The following PIGV variants were observed in gnomAD, a reference collection of about 807,000 sequenced individuals.
PIGV encodes GPI alpha-1,6-mannosyltransferase 2.
A neutral mutation model predicts 39.2 loss-of-function variants in PIGV; 27 were observed. The ratio of observed to expected loss-of-function variants is 0.69; its 90% CI spans 0.51 to 0.95. The LOEUF is 0.95. Among genes scored for constraint, PIGV ranks in the 40% least tolerant of loss-of-function variants. The pLI is 0.00. For synonymous variants in PIGV, 232 were observed against 241.7 expected (o/e 0.96, Z 0.37); for missense variants, 523 against 586.4 (o/e 0.89, Z 1.12).
In PIGV at chr1:26,794,842, C is replaced by T. The variant is rs374158705; in HGVS notation, c.808C>T (p.Arg270Cys). The T allele has an allele frequency of 6.9e-5, 111 of 1,613,992 alleles. No individual in the cohort carries two copies. In the Middle Eastern group the frequency reaches 2.5e-3, roughly 36 times the overall value. ...YTQFCLPGSA[R>C]PIPEPLVQLA... ...CCAATTCTGTCTGCCAGGCTCAGCC[C>T]GCCCCATTCCTGAGCCTTTGGTACA... is the stretch of plus-strand genomic sequence containing the variant. Residue 270 changes from arginine (R) to cysteine (C), a missense_variant, in exon 3 of 4, where the codon CGC becomes TGC. Arg to Cys is a radical substitution (Grantham distance 180). Coordinates refer to ENST00000674202, the MANE Select transcript of PIGV (RefSeq NM_017837.4).
chr1:26,791,979 AG>A (rs1283594177), intron 2 of PIGV, among the ~76,000 whole-genome samples: 2 of 152,236 alleles, frequency 1.3e-5, no homozygotes, highest in Non-Finnish European at 2.9e-5. Flanking sequence ...GAACCAGGAC[AG>A]CTGGGCTCTA....
chr1:26,792,211 G>A (rs1003309437), intron 2 of PIGV, among the ~76,000 whole-genome samples: 5 of 151,932 alleles, frequency 3.3e-5, no homozygotes, highest in African/African-American at 1.2e-4. Flanking sequence ...GGAGTGCAAA[G>A]GCGCGATCTT....
Position 26,799,378 on chromosome 1 carries a change from T to A in PIGV, c.*1534T>A, listed in dbSNP as rs541999541. Among the ~76,000 whole-genome samples the A allele has an allele frequency of 6.6e-6, 1 of 152,334 alleles. No individual in the cohort carries two copies. The highest frequency in any genetic ancestry group is 2.4e-5 in the African/African-American group (1 of 41,572). The stretch of plus-strand genomic sequence containing the variant: ...GCCTATCACTATAATGGTAGTAAGA[T>A]CACTGGCCCCTGCTGAGCTACTTTT... On this transcript the variant is annotated 3_prime_UTR_variant, in exon 4 of 4. Transcript: ENST00000674202.
At chr1:26,793,338 C>G (rs1002227497) in intron 2 of PIGV, among the ~76,000 whole-genome samples, 1 of 152,206 alleles carries the variant, frequency 6.6e-6, no homozygotes, top group African/African-American at 2.4e-5. Flanking sequence ...AGACTTCTCT[C>G]TCTTCCACTC....
chr1:26,787,387 T>G (rs1482757188), upstream of PIGV: 2 of 152,218 alleles, frequency 1.3e-5, no homozygotes, highest in Non-Finnish European at 2.9e-5. Context: ...ATTAGCCACC[T>G]GAGGTGGGGC....
At chr1:26,789,094 G>A (rs751977611) in intron 1 of PIGV, 3 of 152,188 alleles carry the variant, frequency 2.0e-5, no homozygotes, top group Non-Finnish European at 4.4e-5. Context: ...CCAAGGAAGA[G>A]GAAAAAAGAG....
In PIGV at chr1:26,794,977, G is replaced by A. The variant is rs2081362503; in HGVS notation, c.943G>A (p.Gly315Ser). The change falls in exon 3 of 4, where the codon GGC becomes AGC. Residue 315 changes from glycine to serine, a missense_variant. Transcript: ENST00000674202. ...TATCCAGGATGTCTACTGGAATGTT[G>A]GCTTTTTGAAATACTATGAGCTCAA... ...SYIQDVYWNV[G>S]FLKYYELKQV... 6.2e-7 allele frequency: 1 copy of A among 1,614,148 alleles called. No homozygotes were observed. Among genetic ancestry groups the A allele is most frequent in the Non-Finnish European group, 8.5e-7 (1 of 1,180,014 alleles).
chr1:26,788,374 C>T (rs1208530858), intron 1 of PIGV, 106 bp downstream of exon 1: 1 of 152,322 alleles, frequency 6.6e-6, no homozygotes, highest in Non-Finnish European at 1.5e-5. Context: ...CCCACGAGGC[C>T]TTTGGCTCTG....
In PIGV at chr1:26,799,095, T is replaced by C. The variant is rs1474223692; in HGVS notation, c.*1251T>C. The stretch of plus-strand genomic sequence containing the variant: ...GAGAAAATATCCAGTTCTCCTGTTT[T>C]CAGCAATTAGAAGAAACTCCTCCTC... On this transcript the variant is annotated 3_prime_UTR_variant, in exon 4 of 4. Transcript: ENST00000674202. Among the ~76,000 whole-genome samples, 2 of 152,230 alleles carry C rather than the reference T, an allele frequency of 1.3e-5. No homozygotes were observed. Among genetic ancestry groups the C allele is most frequent in the Admixed American group, 6.5e-5 (1 of 15,288 alleles).
In PIGV at chr1:26,797,934, G is replaced by T; in HGVS notation, c.*90G>T. ...ATTGGAACTGCCTCTGCTGCCCTGG[G>T]ATCATTACTGTGTCCATTATAATCT... On this transcript the variant is annotated 3_prime_UTR_variant, in exon 4 of 4. Coordinates refer to ENST00000674202, the MANE Select transcript of PIGV (RefSeq NM_017837.4). 8.6e-6 allele frequency: 9 copies of T among 1,051,266 alleles called. No individual in the cohort carries two copies. Among genetic ancestry groups the T allele is most frequent in the Non-Finnish European group, 1.3e-5 (9 of 673,016 alleles). 65.1% of individuals were successfully genotyped at this position (1,051,266 alleles called of 1,614,324 possible). A position where few individuals can be genotyped will look rare whatever the true frequency, so the allele number is the denominator to read the frequency against.
At position 26,790,712 on chromosome 1, in the gene PIGV, A is replaced by G; in HGVS notation, c.-57-47A>G. 2 of 890,850 alleles carry G rather than the reference A, an allele frequency of 2.2e-6. 1 individual carries two copies. The highest frequency in any genetic ancestry group is 2.7e-5 in the South Asian group (2 of 73,250). 55.2% of individuals were successfully genotyped at this position (890,850 alleles called of 1,614,324 possible). A position where few individuals can be genotyped will look rare whatever the true frequency, so the allele number is the denominator to read the frequency against. The stretch of plus-strand genomic sequence containing the variant: ...GGTTCCAGTGACGAATGCTTTCAAG[A>G]ATTTGCTTTCACTCGATGTGTGACA... On this transcript the variant is annotated intron_variant, in intron 1 of 3. Coordinates refer to ENST00000674202, the MANE Select transcript of PIGV (RefSeq NM_017837.4).
At position 26,797,939 on chromosome 1, in the gene PIGV, TTA is replaced by T; in HGVS notation, c.*96_*97del. ...AACTGCCTCTGCTGCCCTGGGATCA[TTA>T]CTGTGTCCATTATAATCTTTCTCTT... On this transcript the variant is annotated 3_prime_UTR_variant, in exon 4 of 4. Transcript: ENST00000674202. 1 of 1,030,846 alleles carries T rather than the reference TTA, an allele frequency of 9.7e-7. No homozygotes were observed. The allele number at this position is 1,030,846 out of a possible 1,614,324, so 63.9% of individuals were successfully genotyped here.
chr1:26,797,831 T>G lies in PIGV; in HGVS notation c.1469T>G (p.Leu490Arg). The G allele has an allele frequency of 6.2e-7, 1 of 1,614,238 alleles. No homozygotes were observed. Among genetic ancestry groups the G allele is most frequent in the Non-Finnish European group, 8.5e-7 (1 of 1,180,040 alleles). Residue 490 changes from leucine to arginine, a missense_variant, in exon 4 of 4, where the codon CTG becomes CGG. Leu to Arg is a moderately radical substitution (Grantham distance 102). Transcript: ENST00000674202. ...GGACTACTCCTACATTGCAACTTCC[T>G]GCCTTGGACATGACCTGGACTCTCC... ...LLGLLLHCNFLPWT is the reference protein window; with the variant it reads ...LLGLLLHCNFRPWT
chr1:26,795,189 C>T lies in PIGV; in HGVS notation c.1155C>T (p.His385=), dbSNP rs200817594. The T allele has an allele frequency of 1.7e-5, 28 of 1,613,820 alleles. 1 individual carries two copies. The highest frequency in any genetic ancestry group is 1.3e-4 in the African/African-American group (10 of 74,900). ...LSPQVFVYVV[H]AAVLLLFGGL... Reference sequence around the variant, plus strand: ...CTCAGGTGTTTGTGTACGTGGTCCACGCTGCAGTGCTGCTGCTGTTTGGAG... The same window carrying T: ...CTCAGGTGTTTGTGTACGTGGTCCATGCTGCAGTGCTGCTGCTGTTTGGAG... Residue 385 remains histidine, a synonymous_variant, in exon 3 of 4, where the codon CAC becomes CAT. Transcript: ENST00000674202.
In PIGV at chr1:26,794,971, A is replaced by G; in HGVS notation, c.937A>G (p.Asn313Asp). The change falls in exon 3 of 4, where the codon AAT (asparagine) becomes GAT (aspartate). Residue 313 changes from asparagine to aspartate, a missense_variant. Physicochemically the swap from Asn to Asp is conservative, Grantham distance 23. Transcript: ENST00000674202. ...CAGCTATATCCAGGATGTCTACTGG[A>G]ATGTTGGCTTTTTGAAATACTATGA... ...IYSYIQDVYWNVGFLKYYELK... is the reference protein window; with the variant it reads ...IYSYIQDVYWDVGFLKYYELK... 6.2e-7 allele frequency: 1 copy of G among 1,614,094 alleles called. No homozygotes were observed. The highest frequency in any genetic ancestry group is 8.5e-7 in the Non-Finnish European group (1 of 1,180,026).
In PIGV at chr1:26,788,085, A is replaced by T. The variant is rs2081260061; in HGVS notation, c.-241A>T. The T allele has an allele frequency of 2.6e-5, 4 of 152,394 alleles. No individual in the cohort carries two copies. The South Asian group carries it at 8.3e-4, about 32-fold the overall frequency. 9.4% of individuals were successfully genotyped at this position (152,394 alleles called of 1,614,324 possible). A position where few individuals can be genotyped will look rare whatever the true frequency, so the allele number is the denominator to read the frequency against. ...GTTCTGGCGGGAGGGAAGCTGTCAA[A>T]TGGAAGCCGGTAGAAATGAGACAGA... On this transcript the variant is annotated 5_prime_UTR_variant, in exon 1 of 4. It removes an upstream start codon present in the reference 5' UTR. Transcript: ENST00000674202.
rs2081354745 is a variant in PIGV, at chr1:26,794,564, C to T, written c.530C>T (p.Thr177Ile). ...TCAGAAGCTTTGTTTGCCCTCCTGA[C>T]ATTCAGTGCCATGGGGCAGCTGGAG... Reference protein sequence around the residue: ...GYSEALFALLTFSAMGQLERG... With the variant: ...GYSEALFALLIFSAMGQLERG... Residue 177 changes from threonine to isoleucine, a missense_variant, in exon 3 of 4, where the codon ACA becomes ATA. Coordinates refer to ENST00000674202, the MANE Select transcript of PIGV (RefSeq NM_017837.4). 1 of 1,614,128 alleles carries T rather than the reference C, an allele frequency of 6.2e-7. No homozygotes were observed. The highest frequency in any genetic ancestry group is 1.7e-5 in the Admixed American group (1 of 60,006).
In PIGV at chr1:26,797,889, G is replaced by T; in HGVS notation, c.*45G>T. On this transcript the variant is annotated 3_prime_UTR_variant, in exon 4 of 4. Transcript: ENST00000674202. The stretch of plus-strand genomic sequence containing the variant: ...GGTTGGAAGCCAACTTAACCCAGGG[G>T]TCTGAAAGTAAAAATACACATTGGA... 2 of 1,575,984 alleles carry T rather than the reference G, an allele frequency of 1.3e-6. No individual in the cohort carries two copies. Among genetic ancestry groups the T allele is most frequent in the South Asian group, 2.2e-5 (2 of 90,210 alleles).
chr1:26,792,065 C>T (rs1286111991), intron 2 of PIGV, among the ~76,000 whole-genome samples: 1 of 152,172 alleles, frequency 6.6e-6, no homozygotes, highest in Non-Finnish European at 1.5e-5. Context: ...TTTAAAGTAC[C>T]TATTGCGTTC....
Sources: gnomAD v4.1 joint callset for allele counts (sites outside exome capture counted in the v4.1 genomes callset) on GRCh38, gnomAD v4.1.1 for gene constraint, MANE v1.5 for transcripts, NCBI Gene and HGNC (gene_info 2026-07-23, HGNC 2026-07-21) for gene names.